CFAP46: variants seen among roughly 807,000 people sequenced by gnomAD.
The protein encoded by CFAP46 is cilia and flagella associated protein 46.
CFAP46 carries 245 observed loss-of-function variants against 325.7 expected under a neutral mutation model. That is an observed-to-expected ratio of 0.75 (90% CI 0.68 to 0.84). The LOEUF is 0.84. Ranked by LOEUF, CFAP46 falls within the 40% of genes least tolerant of loss-of-function variation. The pLI is 0.00. For synonymous variants in CFAP46, 1,523 were observed against 1,495.9 expected, an observed-to-expected ratio of 1.02 and a Z score of -0.42; for missense variants, 3,346 against 3,543.0, an observed-to-expected ratio of 0.94 and a Z score of 1.41.
intron 26 of CFAP46, 102 bp from the exon 27 acceptor site, chr10:132,885,388 A>G: frequency 8.1e-7 from 1 of 1,235,172 alleles, no homozygotes; most frequent in East Asian, 2.6e-5. Context: ...CAGCTTAAAA[A>G]GACGAAGCAA....
intron 50 of CFAP46, among the ~76,000 whole-genome samples, chr10:132,829,038 C>T (rs1287069313): frequency 6.6e-6 from 1 of 151,140 alleles, no homozygotes; most frequent in Non-Finnish European, 1.5e-5. Flanking sequence ...TATAGGGGTC[C>T]CTTACATTTT....
chr10:132,824,748 CTGTGTGAGTGCTGATGTGTGCTGTATGT>C lies in CFAP46; in HGVS notation c.7117+8582_7117+8609del, dbSNP rs1591037251. Among the ~76,000 whole-genome samples the C allele has an allele frequency of 9.8e-5, 8 of 81,874 alleles. No homozygotes were observed. The East Asian group carries it at 2.7e-3, about 28-fold the overall frequency. 53.7% of individuals were successfully genotyped at this position (81,874 alleles called of 152,430 possible). A position where few individuals can be genotyped will look rare whatever the true frequency, so the allele number is the denominator to read the frequency against. On this transcript the variant is annotated intron_variant, in intron 50 of 57. Transcript: ENST00000368586. ...ATGTGTGCTGTGTGTGTGCTGTGTGCTGTGTGAGTGCTGATGTGTGCTGTATGTTGTGTGAGTGCTGATGTGTGCTGTC... is the reference window on the plus strand; with the variant it reads ...ATGTGTGCTGTGTGTGTGCTGTGTGCTGTGTGAGTGCTGATGTGTGCTGTC...
At chr10:132,899,724 T>C in intron 22 of CFAP46, 58 bp from the exon 23 acceptor site, 1 of 1,509,722 alleles carries the variant, frequency 6.6e-7, no homozygotes, top group Non-Finnish European at 8.9e-7. Flanking sequence ...GGGTCCTCCC[T>C]CCCTGGGTCA....
At position 132,837,692 on chromosome 10, in the gene CFAP46, C is replaced by G. The variant is rs111210384; in HGVS notation, c.6439-778G>C. Among the ~76,000 whole-genome samples the G allele has an allele frequency of 3.7e-3, 536 of 145,686 alleles. 8 individuals are homozygous for G. Among genetic ancestry groups the G allele is most frequent in the African/African-American group, 0.013 (490 of 38,194 alleles). On this transcript the variant is annotated intron_variant, in intron 44 of 57. Coordinates refer to ENST00000368586, the MANE Select transcript of CFAP46 (RefSeq NM_001200049.3). ...ATGCACGGACACACATGCACACGTA[C>G]ACAGATGCACACACACAGACATGCA... is the stretch of plus-strand genomic sequence containing the variant.
rs376689227 is a variant in CFAP46 at position 132,937,541 on chromosome 10, C to A, written c.660+11G>T. ...ACTTCTTACGTCTCTATTTCTAATA[C>A]GCTGATTTACCATAACAGAGAATAT... On this transcript the variant is annotated intron_variant, in intron 6 of 57. Transcript: ENST00000368586. 199 of 1,612,958 alleles carry A rather than the reference C, an allele frequency of 1.2e-4. No individual in the cohort carries two copies. The highest frequency in any genetic ancestry group is 1.6e-4 in the Non-Finnish European group (192 of 1,179,876).
At chr10:132,815,351 G>A (rs941623900) in intron 50 of CFAP46, among the ~76,000 whole-genome samples, 9 of 152,136 alleles carry the variant, frequency 5.9e-5, no homozygotes, top group East Asian at 1.9e-4. Flanking sequence ...TTCTGCCCCC[G>A]ACTTTCCTTT....
At chr10:132,913,340 A>G in intron 17 of CFAP46, 82 bp from the exon 18 acceptor site, 1 of 646,192 alleles carries the variant, frequency 1.5e-6, no homozygotes, top group Non-Finnish European at 2.5e-6. Context: ...GGGGCCTGTT[A>G]GGAACCAGGC....
chr10:132,913,865 C>T (rs1361468752), intron 17 of CFAP46, among the ~76,000 whole-genome samples: 5 of 151,846 alleles, frequency 3.3e-5, no homozygotes, highest in Non-Finnish European at 7.4e-5. Context: ...GCGCGCTCCA[C>T]CTGAAGCCTG....
chr10:132,902,275 C>CG (rs1849401452), intron 22 of CFAP46, among the ~76,000 whole-genome samples: 1 of 151,654 alleles, frequency 6.6e-6, no homozygotes, highest in African/African-American at 2.4e-5. Flanking sequence ...AGGTCACAGA[C>CG]GGAAAGCTCT....
In CFAP46 at chr10:132,827,097, C is replaced by T. The variant is rs1011975983; in HGVS notation, c.7117+6261G>A. 6.6e-6 allele frequency among the ~76,000 whole-genome samples: 1 copy of T among 152,190 alleles called. No individual in the cohort carries two copies. Among genetic ancestry groups the T allele is most frequent in the African/African-American group, 2.4e-5 (1 of 41,464 alleles). On this transcript the variant is annotated intron_variant, in intron 50 of 57. Transcript: ENST00000368586. The surrounding 1 kb of genome is among the most constrained non-coding windows in gnomAD (Gnocchi z 5.7). Reference sequence around the variant, plus strand: ...ACCGACTCCAGCTCCGGGCTCCCTGCCTCTCCACCCGGCACTCCCACCCTC... The same window carrying T: ...ACCGACTCCAGCTCCGGGCTCCCTGTCTCTCCACCCGGCACTCCCACCCTC...
chr10:132,873,196 A>G (rs2135319153), intron 31 of CFAP46, among the ~76,000 whole-genome samples: 1 of 152,306 alleles, frequency 6.6e-6, no homozygotes, highest in Admixed American at 6.5e-5. Flanking sequence ...ACCACTTACA[A>G]ATTTAATATA....
intron 20 of CFAP46, 77 bp from the exon 21 acceptor site, chr10:132,909,321 C>CAA (rs1307728673): frequency 3.0e-6 from 3 of 1,007,616 alleles, no homozygotes; most frequent in East Asian, 2.6e-5. Context: ...TTTAACACTG[C>CAA]AAGGTATTAG....
At chr10:132,875,485 C>T (rs559558290) in intron 31 of CFAP46, among the ~76,000 whole-genome samples, 29 of 152,316 alleles carry the variant, frequency 1.9e-4, no homozygotes, top group Admixed American at 7.8e-4. Flanking sequence ...CAAATACTCA[C>T]GGTTGTGAAG....
intron 50 of CFAP46, 34 bp from the exon 51 acceptor site, chr10:132,814,948 G>C: frequency 6.2e-7 from 1 of 1,606,280 alleles, no homozygotes; most frequent in South Asian, 1.1e-5. Context: ...GGGATGTTTG[G>C]CAGCAGCTCG....
At chr10:132,818,983 G>A (rs1247798595) in intron 50 of CFAP46, among the ~76,000 whole-genome samples, 2 of 151,708 alleles carry the variant, frequency 1.3e-5, no homozygotes, top group Non-Finnish European at 2.9e-5. Flanking sequence ...AAAACTGTTA[G>A]AACTAATAAA....
intron 25 of CFAP46, among the ~76,000 whole-genome samples, chr10:132,887,286 CCT>C (rs1185742475): frequency 9.1e-6 from 1 of 110,208 alleles, no homozygotes. Context: ...TCTCTCCTCC[CCT>C]CTTCTTTCCT....
At chr10:132,898,605 C>T in intron 24 of CFAP46, 1 of 367,210 alleles carries the variant, frequency 2.7e-6, no homozygotes, top group South Asian at 2.2e-5. Flanking sequence ...TTCTCAGGGC[C>T]ACCCTCTCTC....
At chr10:132,917,640 G>C (rs982048318) in intron 16 of CFAP46, among the ~76,000 whole-genome samples, 20 of 152,212 alleles carry the variant, frequency 1.3e-4, no homozygotes, top group African/African-American at 4.1e-4. Flanking sequence ...ATTCCCAAGA[G>C]AAATTTACAC....
intron 43 of CFAP46, among the ~76,000 whole-genome samples, chr10:132,846,545 G>A (rs2135101655): frequency 6.6e-6 from 1 of 151,994 alleles, no homozygotes; most frequent in South Asian, 2.1e-4. Context: ...GCCTGCAACT[G>A]CTGGGTCTCC....
Sources: allele counts gnomAD v4.1 joint callset (sites outside exome capture counted in the v4.1 genomes callset), GRCh38; gene constraint gnomAD v4.1.1; non-coding constraint Gnocchi (gnomAD v3.1); transcripts MANE v1.5; gene names NCBI Gene and HGNC (gene_info 2026-07-23, HGNC 2026-07-21).